AFF3: variants seen among roughly 807,000 people sequenced by gnomAD.
The protein encoded by AFF3 is ALF transcription elongation factor 3.
Under a neutral mutation model 129.7 loss-of-function variants are expected in AFF3, and 32 were observed. The ratio of observed to expected loss-of-function variants is 0.25; its 90% CI spans 0.19 to 0.33. The LOEUF (loss-of-function observed/expected upper bound fraction) is 0.33, where lower values mean the gene tolerates loss of function less well. Among genes scored for constraint, AFF3 ranks in the 10% least tolerant of loss-of-function variants. The pLI, the probability that AFF3 is intolerant of heterozygous loss-of-function variation, is 1.00. For missense variants in AFF3, 1,373 were observed against 1,592.0 expected, an observed-to-expected ratio of 0.86 and a Z score of 2.34; for synonymous variants, 644 against 635.4, an observed-to-expected ratio of 1.01 and a Z score of -0.20.
At chr2:99,564,366 C>T (rs963977545) in intron 20 of AFF3, among the ~76,000 whole-genome samples, 3 of 152,122 alleles carry the variant, frequency 2.0e-5, no homozygotes, top group South Asian at 2.1e-4. Flanking sequence ...ATCTAGGATC[C>T]GTTAGAGTAA....
chr2:99,822,805 C>T (rs1187200840), intron 8 of AFF3, among the ~76,000 whole-genome samples: 1 of 152,180 alleles, frequency 6.6e-6, no homozygotes, highest in African/African-American at 2.4e-5. Context: ...TCCAAAAGAG[C>T]TCCGCTTTTA....
chr2:99,840,102 G>T (rs956720250), intron 7 of AFF3, among the ~76,000 whole-genome samples: 1 of 150,450 alleles, frequency 6.6e-6, no homozygotes, highest in Non-Finnish European at 1.5e-5. Flanking sequence ...CAAATATTTT[G>T]TTCCATTCTT....
intron 11 of AFF3, among the ~76,000 whole-genome samples, chr2:99,696,552 TTCTGTATTAGACATGGTC>T (rs1388382004): frequency 1.3e-5 from 2 of 152,230 alleles, no homozygotes; most frequent in Non-Finnish European, 2.9e-5. Flanking sequence ...TCTTTCTTCC[TTCTGTATTAGACATGGTC>T]TCTGGAAGCC....
intron 11 of AFF3, among the ~76,000 whole-genome samples, chr2:99,703,013 A>G (rs1003596059): frequency 6.6e-6 from 1 of 152,176 alleles, no homozygotes; most frequent in Non-Finnish European, 1.5e-5. Context: ...ATATTTTCTT[A>G]TGTTTTCATA....
At chr2:100,131,792 A>G (rs1692439071) in intron 1 of AFF3, among the ~76,000 whole-genome samples, 1 of 152,206 alleles carries the variant, frequency 6.6e-6, no homozygotes, top group Admixed American at 6.5e-5. Flanking sequence ...GCATTAGAAG[A>G]TAATAGTAAT....
chr2:99,707,219 T>C (rs1289860664), intron 11 of AFF3: 2 of 985,204 alleles, frequency 2.0e-6, no homozygotes, highest in Non-Finnish European at 2.4e-6. Flanking sequence ...TAAAAAGCCA[T>C]CTCCTACAGA....
chr2:100,082,034 C>T (rs1689081740), intron 4 of AFF3, among the ~76,000 whole-genome samples: 1 of 152,144 alleles, frequency 6.6e-6, no homozygotes, highest in Non-Finnish European at 1.5e-5. Context: ...ATTGATAGTT[C>T]TTCCCTTGAT....
chr2:99,872,404 G>C (rs1002801330), intron 7 of AFF3, among the ~76,000 whole-genome samples: 3 of 151,778 alleles, frequency 2.0e-5, no homozygotes, highest in African/African-American at 7.3e-5. Flanking sequence ...CAAGCACTGA[G>C]AAAGACCACC....
chr2:99,842,106 A>G (rs1303039288), intron 7 of AFF3, among the ~76,000 whole-genome samples: 1 of 152,118 alleles, frequency 6.6e-6, no homozygotes, highest in Non-Finnish European at 1.5e-5. Flanking sequence ...AATAAGGGGT[A>G]AGGGTTTGTG....
chr2:100,000,649 T>C (rs1433631086), intron 7 of AFF3, among the ~76,000 whole-genome samples: 4 of 152,184 alleles, frequency 2.6e-5, no homozygotes, highest in African/African-American at 7.2e-5. Context: ...GCTTAGTATA[T>C]TGTCACTGTG....
At chr2:99,737,658 C>G (rs1474220216) in intron 10 of AFF3, among the ~76,000 whole-genome samples, 5 of 149,782 alleles carry the variant, frequency 3.3e-5, no homozygotes, top group Non-Finnish European at 5.9e-5. Flanking sequence ...TTCATTTATC[C>G]TTGGTATTCA....
chr2:100,021,465 C>G (rs2104872464), intron 4 of AFF3, among the ~76,000 whole-genome samples: 1 of 152,282 alleles, frequency 6.6e-6, no homozygotes, highest in Non-Finnish European at 1.5e-5. Flanking sequence ...GTATGCATAT[C>G]ACCATTTGAA....
intron 7 of AFF3, among the ~76,000 whole-genome samples, chr2:99,995,466 G>A (rs530762607): frequency 1.3e-5 from 2 of 151,788 alleles, no homozygotes; most frequent in East Asian, 1.9e-4. Context: ...TCCGCCTCCC[G>A]GGTTCACGCC....
At chr2:99,566,203 C>T (rs1055291036) in intron 19 of AFF3, among the ~76,000 whole-genome samples, 34 of 151,216 alleles carry the variant, frequency 2.2e-4, no homozygotes, top group Admixed American at 6.6e-5. Context: ...CAGCCTCCCA[C>T]GTAGCTGGAA....
chr2:99,781,562 T>C (rs769051961), intron 8 of AFF3, among the ~76,000 whole-genome samples: 2 of 152,196 alleles, frequency 1.3e-5, no homozygotes, highest in Non-Finnish European at 2.9e-5. Flanking sequence ...CTCACTGCTG[T>C]TATCCATGGG....
chr2:99,729,075 A>G (rs113999564), intron 10 of AFF3, among the ~76,000 whole-genome samples: 3,320 of 152,210 alleles, frequency 0.022, 115 homozygotes, highest in African/African-American at 0.074. Flanking sequence ...CTTTCCCCCA[A>G]CCTGCTTTAA....
chr2:99,772,409 C>T (rs1395848318), intron 8 of AFF3, among the ~76,000 whole-genome samples: 3 of 152,186 alleles, frequency 2.0e-5, no homozygotes, highest in Non-Finnish European at 2.9e-5. Flanking sequence ...ACAATGTACA[C>T]ACAAATACAT....
intron 11 of AFF3, among the ~76,000 whole-genome samples, chr2:99,678,057 A>G (rs1674168489): frequency 1.3e-5 from 2 of 152,206 alleles, no homozygotes; most frequent in South Asian, 2.1e-4. Flanking sequence ...CAGAAGGTGT[A>G]CTGTCTCCCA....
intron 8 of AFF3, among the ~76,000 whole-genome samples, chr2:99,773,818 A>G (rs1575938757): frequency 1.3e-5 from 2 of 152,350 alleles, no homozygotes; most frequent in East Asian, 1.9e-4. Context: ...ATGATCCTAT[A>G]TCTAGAAAAC....
Sources: gnomAD v4.1 joint callset for allele counts (sites outside exome capture counted in the v4.1 genomes callset) on GRCh38, gnomAD v4.1.1 for gene constraint, MANE v1.5 for transcripts, NCBI Gene and HGNC (gene_info 2026-07-23, HGNC 2026-07-21) for gene names.